Variants in PTGFRN observed in about 807,000 individuals in gnomAD.
PTGFRN encodes the protein prostaglandin F2 receptor negative regulator.
In PTGFRN, 35 loss-of-function variants were observed where a neutral mutation model predicts 83.2. The observed-to-expected ratio is 0.42, with a 90% CI of 0.32 to 0.56. The LOEUF (loss-of-function observed/expected upper bound fraction) is 0.56. Among genes scored for constraint, PTGFRN ranks in the 20% least tolerant of loss-of-function variants. The probability of loss-of-function intolerance (pLI) is 0.11; values close to 1 mark genes in which losing one functional copy is unlikely to be tolerated. For synonymous variants in PTGFRN, 519 were observed against 498.6 expected (o/e 1.04, Z -0.55); for missense variants, 1,051 against 1,179.5 (o/e 0.89, Z 1.60).
intron 1 of PTGFRN, among the ~76,000 whole-genome samples, chr1:116,916,052 G>A (rs772387885): frequency 1.3e-4 from 20 of 152,174 alleles, no homozygotes; most frequent in Non-Finnish European, 2.9e-4. Context: ...AGCAATATGC[G>A]TTTCCAGTAG....
chr1:116,930,734 A>G (rs1418513385), intron 1 of PTGFRN, among the ~76,000 whole-genome samples: 1 of 151,996 alleles, frequency 6.6e-6, no homozygotes, highest in Non-Finnish European at 1.5e-5. Context: ...GGGTCCCTGA[A>G]TGATCTCTGG....
chr1:116,935,406 A>G (rs1211226699), intron 1 of PTGFRN, among the ~76,000 whole-genome samples: 4 of 151,658 alleles, frequency 2.6e-5, no homozygotes, highest in Non-Finnish European at 5.9e-5. Flanking sequence ...TGGACCCTTG[A>G]GCCTGGCTGC....
intron 3 of PTGFRN, among the ~76,000 whole-genome samples, chr1:116,948,585 C>G (rs551633199): frequency 2.6e-5 from 4 of 152,290 alleles, no homozygotes; most frequent in Non-Finnish European, 5.9e-5. Flanking sequence ...CCTTTTATCC[C>G]TTAGACAGTT....
At chr1:116,940,941 G>A (rs1409696741) in intron 1 of PTGFRN, among the ~76,000 whole-genome samples, 1 of 152,168 alleles carries the variant, frequency 6.6e-6, no homozygotes, top group Non-Finnish European at 1.5e-5. Flanking sequence ...CCCTACCAGA[G>A]AGGGCTGGGA....
intron 3 of PTGFRN, among the ~76,000 whole-genome samples, chr1:116,946,207 A>G (rs1241688815): frequency 6.6e-6 from 1 of 152,206 alleles, no homozygotes; most frequent in Non-Finnish European, 1.5e-5. Context: ...AACAACACGC[A>G]GGGGGAATAT....
chr1:116,967,310 A>AGATAGACTTCCAAACCTCAGGTGAGCAGT lies in PTGFRN; in HGVS notation c.2042_2059+11dup, dbSNP rs746940611. On this transcript the variant is annotated frameshift_variant, in exon 6 of 9. Coordinates refer to ENST00000393203, the MANE Select transcript of PTGFRN (RefSeq NM_020440.4). LOFTEE classifies it high-confidence loss of function. ...GCAACCAGTCTCTCCAATCCTATTG[A>AGATAGACTTCCAAACCTCAGGTGAGCAGT]GATAGACTTCCAAACCTCAGGTGAG... The AGATAGACTTCCAAACCTCAGGTGAGCAGT allele has an allele frequency of 2.0e-5, 32 of 1,611,348 alleles. No individual in the cohort carries two copies. In the South Asian group the frequency reaches 3.1e-4, roughly 15 times the overall value.
chr1:116,910,644 G>A (rs1348791978), intron 1 of PTGFRN, among the ~76,000 whole-genome samples: 2 of 151,988 alleles, frequency 1.3e-5, no homozygotes, highest in African/African-American at 4.8e-5. Flanking sequence ...GCTCGAGAGC[G>A]GAAATGTGAG....
At chr1:116,934,666 C>G (rs1649876745) in intron 1 of PTGFRN, among the ~76,000 whole-genome samples, 1 of 148,746 alleles carries the variant, frequency 6.7e-6, no homozygotes, top group African/African-American at 2.6e-5. Flanking sequence ...CCCTGGAGGT[C>G]TGTTTCTATT....
chr1:116,955,506 A>G (rs1298851847), intron 4 of PTGFRN, among the ~76,000 whole-genome samples: 3 of 152,156 alleles, frequency 2.0e-5, no homozygotes, highest in Non-Finnish European at 4.4e-5. Context: ...TTTTTCTTCT[A>G]GAAGAGTATA....
intron 1 of PTGFRN, among the ~76,000 whole-genome samples, chr1:116,922,858 A>T (rs911848354): frequency 2.0e-5 from 3 of 152,224 alleles, no homozygotes; most frequent in Non-Finnish European, 2.9e-5. Flanking sequence ...AAACGACTGG[A>T]AGATAGATGC....
rs1174745766 is a variant in PTGFRN at position 116,987,044 on chromosome 1, CAA to C, written c.*79_*80del. The C allele has an allele frequency of 1.9e-6, 3 of 1,553,772 alleles. No individual in the cohort carries two copies. Among genetic ancestry groups the C allele is most frequent in the East Asian group, 2.2e-5 (1 of 44,512 alleles). ...AGAAGAGGACAGTGATATTTTAAAA[CAA>C]AGTGTGTTACACTAAAAACCAGTCC... On this transcript the variant is annotated 3_prime_UTR_variant, in exon 9 of 9. Transcript: ENST00000393203.
At position 116,952,312 on chromosome 1, in the gene PTGFRN, A is replaced by G. The variant is rs1319800405; in HGVS notation, c.1213+2740A>G. On this transcript the variant is annotated intron_variant, in intron 4 of 8. Coordinates refer to ENST00000393203, the MANE Select transcript of PTGFRN (RefSeq NM_020440.4). The surrounding 1 kb of genome is among the most constrained non-coding windows in gnomAD (Gnocchi z 4.0). ...GGATTGAAGCTGATTGGGGTCTTCT[A>G]GAGTTCCACTGTGCTAAGCAGGAAG... Among the ~76,000 whole-genome samples, 1 of 152,154 alleles carries G rather than the reference A, an allele frequency of 6.6e-6. No homozygotes were observed. The highest frequency in any genetic ancestry group is 1.5e-5 in the Non-Finnish European group (1 of 68,032).
chr1:116,984,965 T>G lies in PTGFRN; in HGVS notation c.2453T>G (p.Phe818Cys). 6.2e-7 allele frequency: 1 copy of G among 1,613,896 alleles called. No homozygotes were observed. Among genetic ancestry groups the G allele is most frequent in the Non-Finnish European group, 8.5e-7 (1 of 1,179,794 alleles). ...KEAEIHSKPV[F>C]ITVKMDVLNA... The stretch of plus-strand genomic sequence containing the variant: ...GCAGAGATCCACTCCAAGCCCGTTT[T>G]TATAACTGTGAAGATGGATGGTAAG... Residue 818 changes from phenylalanine to cysteine, a missense_variant, in exon 8 of 9, where the codon TTT becomes TGT. By Grantham distance (205) the Phe-to-Cys change is radical (BLOSUM62 -2). Around this residue, in one of 3 missense-constraint regions of PTGFRN, gnomAD observed 719 missense variants for 836.6 expected, o/e 0.86. Transcript: ENST00000393203.
chr1:116,986,813 T>G lies in PTGFRN; in HGVS notation c.2486T>G (p.Phe829Cys). 4 of 1,614,124 alleles carry G rather than the reference T, an allele frequency of 2.5e-6. No individual in the cohort carries two copies. The highest frequency in any genetic ancestry group is 3.4e-6 in the Non-Finnish European group (4 of 1,180,004). Residue 829 changes from phenylalanine (F) to cysteine (C), a missense_variant, in exon 9 of 9, where the codon TTC (phenylalanine) becomes TGC (cysteine). Transcript: ENST00000393203. ...CTCTCCCTCCCAGTGCTGAACGCCTTCAAGTATCCCTTGCTGATCGGCGTC... is the reference window on the plus strand; with the variant it reads ...CTCTCCCTCCCAGTGCTGAACGCCTGCAAGTATCCCTTGCTGATCGGCGTC... ...ITVKMDVLNA[F>C]KYPLLIGVGL...
chr1:116,928,223 G>C (rs11583422), intron 1 of PTGFRN, among the ~76,000 whole-genome samples: 2,355 of 152,294 alleles, frequency 0.015, 34 homozygotes, highest in Non-Finnish European at 0.025. Context: ...CCTGGGCCTT[G>C]TCATCACTTA....
intron 1 of PTGFRN, among the ~76,000 whole-genome samples, chr1:116,931,554 G>A (rs1649804065): frequency 6.7e-6 from 1 of 150,362 alleles, no homozygotes; most frequent in Non-Finnish European, 1.5e-5. Context: ...ATTTGCTTCT[G>A]GATGGGGTTT....
chr1:116,926,414 A>G (rs1649662280), intron 1 of PTGFRN, among the ~76,000 whole-genome samples: 1 of 152,184 alleles, frequency 6.6e-6, no homozygotes, highest in African/African-American at 2.4e-5. Flanking sequence ...AATTTTATAG[A>G]ATGCGCTAAA....
intron 1 of PTGFRN, among the ~76,000 whole-genome samples, chr1:116,920,007 C>G (rs1301003342): frequency 1.3e-5 from 2 of 152,250 alleles, no homozygotes; most frequent in African/African-American, 2.4e-5. Context: ...ATGCTGACCC[C>G]TGCTGTTGGC....
chr1:116,953,084 A>T (rs1225213362), intron 4 of PTGFRN, among the ~76,000 whole-genome samples: 1 of 152,214 alleles, frequency 6.6e-6, no homozygotes, highest in Non-Finnish European at 1.5e-5. Context: ...TGCCCGAAGT[A>T]CCAGACTTCT....
Sources: allele counts gnomAD v4.1 joint callset (sites outside exome capture counted in the v4.1 genomes callset), GRCh38; gene constraint gnomAD v4.1.1; regional missense constraint gnomAD v4.1.1; non-coding constraint Gnocchi (gnomAD v3.1); transcripts MANE v1.5; gene names NCBI Gene and HGNC (gene_info 2026-07-23, HGNC 2026-07-21).